Variants in RBFOX1 observed in about 807,000 individuals in gnomAD.
The protein encoded by RBFOX1 is RNA binding fox-1 homolog 1, also known as RNA binding protein fox-1 homolog 1.
A neutral mutation model predicts 57.7 loss-of-function variants in RBFOX1; 8 were observed. That is an observed-to-expected ratio of 0.14 (90% CI 0.08 to 0.25). The LOEUF (loss-of-function observed/expected upper bound fraction) is 0.25, where lower values mean the gene tolerates loss of function less well. Ranked by LOEUF, RBFOX1 falls within the 10% of genes least tolerant of loss-of-function variation. The probability of loss-of-function intolerance (pLI) is 1.00; values close to 1 mark genes in which losing one functional copy is unlikely to be tolerated. For synonymous variants in RBFOX1, 326 were observed against 222.4 expected (o/e 1.47, Z -4.15); for missense variants, 611 against 548.5 (o/e 1.11, Z -1.14).
rs754288306 is a variant in RBFOX1 at position 6,530,966 on chromosome 16, A to T, written c.-63-123637A>T. On this transcript the variant is annotated intron_variant, in intron 2 of 15. Transcript: ENST00000550418. Reference sequence around the variant, plus strand: ...AAGATCCGGCTCCAGAAAAACCCCAATCACCTCCCTTCCTGGTGTCTGTTC... The same window carrying T: ...AAGATCCGGCTCCAGAAAAACCCCATTCACCTCCCTTCCTGGTGTCTGTTC... Among the ~76,000 whole-genome samples the T allele has an allele frequency of 2.0e-5, 3 of 152,120 alleles. No individual in the cohort carries two copies. In the East Asian group the frequency reaches 5.8e-4, roughly 29 times the overall value.
intron 2 of RBFOX1, among the ~76,000 whole-genome samples, chr16:6,593,989 GC>G (rs1211832915): frequency 3.3e-5 from 5 of 152,138 alleles, no homozygotes; most frequent in Non-Finnish European, 7.4e-5. Context: ...GAAGATTCCA[GC>G]CTCCCTCCGC....
chr16:6,386,666 C>A (rs1202222937), intron 2 of RBFOX1, among the ~76,000 whole-genome samples: 1 of 152,158 alleles, frequency 6.6e-6, no homozygotes, highest in Admixed American at 6.5e-5. Context: ...TTAGTATCTC[C>A]AGTTGTTAAA....
At chr16:5,362,705 C>G (rs1049190076) in intron 1 of RBFOX1, among the ~76,000 whole-genome samples, 1 of 152,084 alleles carries the variant, frequency 6.6e-6, no homozygotes, top group African/African-American at 2.4e-5. Flanking sequence ...ACTCCCCACC[C>G]TCTCCCCTCA....
intron 3 of RBFOX1, among the ~76,000 whole-genome samples, chr16:6,720,151 G>C (rs1370387535): frequency 6.6e-6 from 1 of 151,996 alleles, no homozygotes; most frequent in Admixed American, 6.6e-5. Flanking sequence ...TGCATGCTTA[G>C]CAAAATATCT....
At chr16:6,656,931 C>CCCTCTCCTCTCCTCTCCTCCCCTCT (rs1568078158) in intron 3 of RBFOX1, among the ~76,000 whole-genome samples, 5 of 55,652 alleles carry the variant, frequency 9.0e-5, no homozygotes, top group African/African-American at 4.0e-4. Context: ...TCCTCTCCTC[C>CCCTCTCCTCTCCTCTCCTCCCCTCT]CCTCTCCTCC....
intron 3 of RBFOX1, among the ~76,000 whole-genome samples, chr16:7,012,380 A>T (rs373973409): frequency 6.6e-6 from 1 of 152,164 alleles, no homozygotes; most frequent in African/African-American, 2.4e-5. Flanking sequence ...CCTTTTGTCT[A>T]TGAAAGTACT....
chr16:7,004,605 T>C (rs968029948), intron 3 of RBFOX1, among the ~76,000 whole-genome samples: 1 of 152,224 alleles, frequency 6.6e-6, no homozygotes, highest in Non-Finnish European at 1.5e-5. Flanking sequence ...TTAATGGCTT[T>C]AATTTAGAAC....
At chr16:6,506,624 ATTTTTTTTTTTTTTTTTTT>A (rs71145238) in intron 2 of RBFOX1, among the ~76,000 whole-genome samples, 1,352 of 98,260 alleles carry the variant, frequency 0.014, 15 homozygotes, top group African/African-American at 0.038. Flanking sequence ...ACAGTAGCTA[ATTTTTTTTTTTTTTTTTTT>A]TTTTTTTTTT....
At chr16:6,346,075 G>A (rs2085323834) in intron 2 of RBFOX1, among the ~76,000 whole-genome samples, 1 of 152,176 alleles carries the variant, frequency 6.6e-6, no homozygotes, top group South Asian at 2.1e-4. Context: ...TCAGTGAGCA[G>A]AGGGATGACT....
intron 14 of RBFOX1, among the ~76,000 whole-genome samples, chr16:7,686,096 G>A (rs1253467212): frequency 6.6e-6 from 1 of 151,874 alleles, no homozygotes; most frequent in African/African-American, 2.4e-5. Context: ...TGAACAGAAA[G>A]CCCCTCTAAG....
chr16:7,609,678 C>A (rs2057043497), intron 10 of RBFOX1, among the ~76,000 whole-genome samples: 1 of 152,074 alleles, frequency 6.6e-6, no homozygotes, highest in Admixed American at 6.6e-5. Context: ...ATGAGGATAC[C>A]AAAATGCAAA....
chr16:7,308,282 A>G (rs2096238720), intron 4 of RBFOX1, among the ~76,000 whole-genome samples: 1 of 133,952 alleles, frequency 7.5e-6, no homozygotes, highest in Non-Finnish European at 1.5e-5. Flanking sequence ...TGCGTGTCAG[A>G]TTCCACCCAG....
intron 3 of RBFOX1, among the ~76,000 whole-genome samples, chr16:6,825,561 A>C (rs1196864214): frequency 6.6e-6 from 1 of 152,140 alleles, no homozygotes; most frequent in Non-Finnish European, 1.5e-5. Flanking sequence ...GTACCTACGC[A>C]CGTGTGAAGC....
At chr16:6,187,013 T>A (rs1598187970) in intron 1 of RBFOX1, among the ~76,000 whole-genome samples, 1 of 152,198 alleles carries the variant, frequency 6.6e-6, no homozygotes. Context: ...TAGTCAGTGA[T>A]ACTGTTGAAC....
intron 2 of RBFOX1, among the ~76,000 whole-genome samples, chr16:6,415,060 T>C (rs547524755): frequency 4.8e-4 from 73 of 151,800 alleles, no homozygotes; most frequent in African/African-American, 1.7e-3. Context: ...CTGGCCAACA[T>C]GATGAAACCC....
chr16:6,875,186 GTAT>G (rs1272256908), intron 3 of RBFOX1, among the ~76,000 whole-genome samples: 1 of 152,088 alleles, frequency 6.6e-6, no homozygotes. Context: ...CATCTTCTTT[GTAT>G]TATTATAGTG....
rs114344057 is a variant in RBFOX1 at position 7,236,411 on chromosome 16, A to G, written c.27+184313A>G. ...GTACCCTCTTTTAAGGTATTGTCAC[A>G]TGCACAACATCTGGCCTTCAGTTCT... is the stretch of plus-strand genomic sequence containing the variant. On this transcript the variant is annotated intron_variant, in intron 4 of 15. Transcript: ENST00000550418. Among the ~76,000 whole-genome samples, 1,324 of 152,254 alleles carry G rather than the reference A, an allele frequency of 8.7e-3. 16 individuals are homozygous for G. The highest frequency in any genetic ancestry group is 0.034 in the Middle Eastern group (10 of 294).
chr16:5,438,868 G>A (rs938990402), intron 1 of RBFOX1, among the ~76,000 whole-genome samples: 1 of 152,106 alleles, frequency 6.6e-6, no homozygotes, highest in African/African-American at 2.4e-5. Context: ...CGAGTAGGAG[G>A]TGATCAGGAT....
intron 2 of RBFOX1, among the ~76,000 whole-genome samples, chr16:6,413,244 G>C (rs149953498): frequency 6.6e-6 from 1 of 151,050 alleles, no homozygotes; most frequent in Non-Finnish European, 1.5e-5. Flanking sequence ...ACTTGAACCC[G>C]GAAGGCAGAG....
Sources: gnomAD v4.1 joint callset for allele counts (sites outside exome capture counted in the v4.1 genomes callset) on GRCh38, gnomAD v4.1.1 for gene constraint, MANE v1.5 for transcripts, NCBI Gene and HGNC (gene_info 2026-07-23, HGNC 2026-07-21) for gene names.